The following PCDHGB7 variants were observed in gnomAD, a reference collection of about 807,000 sequenced individuals.
The protein encoded by PCDHGB7 is protocadherin gamma subfamily B, 7, also known as protocadherin gamma-B7.
In PCDHGB7, 37 loss-of-function variants were observed where a neutral mutation model predicts 61.4. That is an observed-to-expected ratio of 0.60 (90% CI 0.46 to 0.79). PCDHGB7 has a LOEUF of 0.79. PCDHGB7 is among the 30% of genes least tolerant of loss of function. PCDHGB7 has a pLI of 0.00. For missense variants in PCDHGB7, 1,166 were observed against 1,202.5 expected, an observed-to-expected ratio of 0.97 and a Z score of 0.45; for synonymous variants, 464 against 503.5, an observed-to-expected ratio of 0.92 and a Z score of 1.05.
At position 141,417,766 on chromosome 5, in the gene PCDHGB7, C is replaced by T. The variant is rs564920153; in HGVS notation, c.-94C>T. On this transcript the variant is annotated 5_prime_UTR_variant, in exon 1 of 4. Coordinates refer to ENST00000398594, the MANE Select transcript of PCDHGB7 (RefSeq NM_018927.4). Reference sequence around the variant, plus strand: ...AGATTGCCAGCTCCGAGACCCGGGACTCCTCCTGTCCTGGGCCGAATGCTC... The same window carrying T: ...AGATTGCCAGCTCCGAGACCCGGGATTCCTCCTGTCCTGGGCCGAATGCTC... The T allele has an allele frequency of 4.9e-6, 7 of 1,442,472 alleles. No individual in the cohort carries two copies. The highest frequency in any genetic ancestry group is 4.3e-5 in the African/African-American group (3 of 69,842). 89.4% of individuals were successfully genotyped at this position (1,442,472 alleles called of 1,614,324 possible).
In PCDHGB7 at chr5:141,481,621, C is replaced by T. The variant is rs533294863; in HGVS notation, c.2416-13186C>T. Among the ~76,000 whole-genome samples the T allele has an allele frequency of 3.9e-5, 6 of 152,198 alleles. 1 individual carries two copies. Among genetic ancestry groups the T allele is most frequent in the East Asian group, 3.9e-4 (2 of 5,172 alleles). Reference sequence around the variant, plus strand: ...TCACCTGAGGCCAGGAGTTCAAGACCGGCCTGGCCAACATGGTGAAACTTC... The same window carrying T: ...TCACCTGAGGCCAGGAGTTCAAGACTGGCCTGGCCAACATGGTGAAACTTC... On this transcript the variant is annotated intron_variant, in intron 1 of 3. Transcript: ENST00000398594.
In PCDHGB7 at chr5:141,485,115, G is replaced by A. The variant is rs1043877839; in HGVS notation, c.2416-9692G>A. 6.9e-6 allele frequency: 9 copies of A among 1,300,470 alleles called. No individual in the cohort carries two copies. Among genetic ancestry groups the A allele is most frequent in the Non-Finnish European group, 1.1e-6 (1 of 911,406 alleles). 80.6% of individuals were successfully genotyped at this position (1,300,470 alleles called of 1,614,324 possible). ...GTGTCTCCAGCTGCTGTGGCTGTTT[G>A]GGGCGGGTCGGCTTCATCCGCGTCT... On this transcript the variant is annotated intron_variant, in intron 1 of 3. Coordinates refer to ENST00000398594, the MANE Select transcript of PCDHGB7 (RefSeq NM_018927.4). The surrounding 1 kb of genome is among the most constrained non-coding windows in gnomAD (Gnocchi z 5.7).
intron 2 of PCDHGB7, among the ~76,000 whole-genome samples, chr5:141,501,075 A>C (rs980856799): frequency 6.6e-6 from 1 of 151,366 alleles, no homozygotes; most frequent in African/African-American, 2.4e-5. Context: ...CACCATGTTG[A>C]CCAGGATGGT....
chr5:141,428,106 C>T, intron 1 of PCDHGB7: 1 of 1,608,152 alleles, frequency 6.2e-7, no homozygotes. Context: ...CCACGTGCTG[C>T]AGGCCATCGA....
At chr5:141,500,192 A>T (rs865941565) in intron 2 of PCDHGB7, among the ~76,000 whole-genome samples, 1 of 110,142 alleles carries the variant, frequency 9.1e-6, no homozygotes, top group Non-Finnish European at 2.0e-5. Context: ...ATTTTTATTT[A>T]TTTATTTATT....
chr5:141,476,820 T>C lies in PCDHGB7; in HGVS notation c.2416-17987T>C, dbSNP rs368919360. 6.2e-7 allele frequency: 1 copy of C among 1,613,594 alleles called. No individual in the cohort carries two copies. Among genetic ancestry groups the C allele is most frequent in the African/African-American group, 1.3e-5 (1 of 75,066 alleles). The stretch of plus-strand genomic sequence containing the variant: ...AGCCTGCCTATTCACATCAAGGTGC[T>C]GGACGCGAATGACAATGCGCCTGTC... On this transcript the variant is annotated intron_variant, in intron 1 of 3. Transcript: ENST00000398594. This position sits in a 1 kb window ranked among gnomAD's most constrained non-coding sequence, Gnocchi z 7.6.
At chr5:141,437,895 A>G (rs911855268) in intron 1 of PCDHGB7, among the ~76,000 whole-genome samples, 23 of 151,954 alleles carry the variant, frequency 1.5e-4, no homozygotes, top group African/African-American at 4.8e-4. Flanking sequence ...ACGCCACCAC[A>G]CCCAGCTAAT....
intron 1 of PCDHGB7, among the ~76,000 whole-genome samples, chr5:141,446,739 T>A (rs1292920572): frequency 2.6e-5 from 4 of 152,180 alleles, no homozygotes; most frequent in African/African-American, 7.2e-5. Flanking sequence ...AGTGTGGGGA[T>A]TACAGGCGTG....
chr5:141,432,094 C>G lies in PCDHGB7; in HGVS notation c.2415+11820C>G. On this transcript the variant is annotated intron_variant, in intron 1 of 3. Transcript: ENST00000398594. This position sits in a 1 kb window ranked among gnomAD's most constrained non-coding sequence, Gnocchi z 6.0. ...ATATCTCGCTGAACGTGGCAGACAC[C>G]AACGACAACCCGCCGGTCTTCCCTC... The G allele has an allele frequency of 6.2e-7, 1 of 1,614,178 alleles. No homozygotes were observed. The highest frequency in any genetic ancestry group is 8.5e-7 in the Non-Finnish European group (1 of 1,180,046).
chr5:141,485,454 C>T lies in PCDHGB7; in HGVS notation c.2416-9353C>T. On this transcript the variant is annotated intron_variant, in intron 1 of 3. Transcript: ENST00000398594. This position sits in a 1 kb window ranked among gnomAD's most constrained non-coding sequence, Gnocchi z 5.7. Reference sequence around the variant, plus strand: ...ATCAAGAACCCAATCGACCGAGAGGCACTGTGTGGGCTCAGTGCCAGCTGC... The same window carrying T: ...ATCAAGAACCCAATCGACCGAGAGGTACTGTGTGGGCTCAGTGCCAGCTGC... The T allele has an allele frequency of 6.2e-7, 1 of 1,614,162 alleles. No homozygotes were observed. Among genetic ancestry groups the T allele is most frequent in the East Asian group, 2.2e-5 (1 of 44,868 alleles).
chr5:141,461,732 A>G (rs945368729), intron 1 of PCDHGB7, among the ~76,000 whole-genome samples: 5 of 152,154 alleles, frequency 3.3e-5, no homozygotes, highest in Non-Finnish European at 5.9e-5. Context: ...GTGCAGTGGC[A>G]CAATCCCGGC....
intron 1 of PCDHGB7, chr5:141,426,302 A>G (rs1590676929): frequency 1.2e-5 from 2 of 172,322 alleles, no homozygotes; most frequent in East Asian, 1.4e-4. Context: ...AACAGGGTGA[A>G]GCAGAGAAGC....
At position 141,417,851 on chromosome 5, in the gene PCDHGB7, G is replaced by T. The variant is rs1196210157; in HGVS notation, c.-9G>T. On this transcript the variant is annotated 5_prime_UTR_variant, in exon 1 of 4. Transcript: ENST00000398594. The stretch of plus-strand genomic sequence containing the variant: ...AAAAGCGGGGACCCAGCGAGAACCC[G>T]AGCGAACGATGGGAGGGAGCTGCGC... 6.5e-7 allele frequency: 1 copy of T among 1,543,508 alleles called. No homozygotes were observed.
At chr5:141,492,068 G>A in intron 1 of PCDHGB7, 1 of 479,628 alleles carries the variant, frequency 2.1e-6, no homozygotes, top group Non-Finnish European at 3.7e-6. Flanking sequence ...AGCCTCCTAG[G>A]CGCCGGCTCC....
chr5:141,476,551 C>G lies in PCDHGB7; in HGVS notation c.2416-18256C>G, dbSNP rs367700651. ...CCCAGGAAATGAAATTGGAGATTAG[C>G]GAGGCCGTGGCTCCGGGGACGCGCT... On this transcript the variant is annotated intron_variant, in intron 1 of 3. Transcript: ENST00000398594. The surrounding 1 kb of genome is among the most constrained non-coding windows in gnomAD (Gnocchi z 7.6). 128 of 1,614,078 alleles carry G rather than the reference C, an allele frequency of 7.9e-5. No homozygotes were observed. Among genetic ancestry groups the G allele is most frequent in the Non-Finnish European group, 1.0e-4 (122 of 1,180,034 alleles).
chr5:141,474,837 C>T (rs1250443544), intron 1 of PCDHGB7, among the ~76,000 whole-genome samples: 2 of 152,214 alleles, frequency 1.3e-5, no homozygotes, highest in Admixed American at 6.5e-5. Flanking sequence ...CTGTGCCAGG[C>T]ACTTTACCTG....
chr5:141,451,874 C>T (rs1264178631), intron 1 of PCDHGB7, among the ~76,000 whole-genome samples: 1 of 151,956 alleles, frequency 6.6e-6, no homozygotes, highest in Non-Finnish European at 1.5e-5. Context: ...GAATGAAACC[C>T]TGTCAAGAAA....
intron 1 of PCDHGB7, chr5:141,427,201 A>G (rs1272966114): frequency 4.4e-6 from 2 of 456,618 alleles, no homozygotes; most frequent in African/African-American, 4.0e-5. Flanking sequence ...GACTTAATAG[A>G]CTTCGAATTT....
intron 2 of PCDHGB7, 50 bp from the exon 3 acceptor site, chr5:141,505,343 G>A: frequency 1.9e-6 from 3 of 1,612,934 alleles, no homozygotes; most frequent in Non-Finnish European, 2.5e-6. Flanking sequence ...GGAGGGGCAT[G>A]AGCTGTGCCG....
Sources: allele counts gnomAD v4.1 joint callset (sites outside exome capture counted in the v4.1 genomes callset), GRCh38; gene constraint gnomAD v4.1.1; non-coding constraint Gnocchi (gnomAD v3.1); transcripts MANE v1.5; gene names NCBI Gene and HGNC (gene_info 2026-07-23, HGNC 2026-07-21).